S100A5: variants seen among roughly 807,000 people sequenced by gnomAD.
S100A5 encodes the protein S100 calcium binding protein A5.
S100A5 carries 5 observed loss-of-function variants against 6.7 expected under a neutral mutation model. The ratio of observed to expected loss-of-function variants is 0.75; its 90% CI spans 0.39 to 1.57. The LOEUF (loss-of-function observed/expected upper bound fraction) is 1.57, where lower values mean the gene tolerates loss of function less well. S100A5 is among the 40% of genes most tolerant of loss of function. The probability of loss-of-function intolerance (pLI) is 0.03; values close to 1 mark genes in which losing one functional copy is unlikely to be tolerated. For missense variants in S100A5, 129 were observed against 110.8 expected (o/e 1.16, Z -0.74); for synonymous variants, 49 against 44.9 (o/e 1.09, Z -0.37).
At chr1:153,539,862 C>A (rs1203763491) in intron 2 of S100A5, among the ~76,000 whole-genome samples, 192 bp downstream of exon 2, 3 of 152,140 alleles carry the variant, frequency 2.0e-5, no homozygotes, top group South Asian at 2.1e-4. Flanking sequence ...CTCAGTGAGA[C>A]CCTGACCCAT....
chr1:153,537,508 T>C, intron 2 of S100A5, 72 bp from the exon 3 acceptor site: 2 of 1,571,918 alleles, frequency 1.3e-6, no homozygotes, highest in Non-Finnish European at 1.7e-6. Context: ...CTGCATGGTG[T>C]CATCCCCACC....
At chr1:153,537,978 C>T (rs999639927) in intron 2 of S100A5, among the ~76,000 whole-genome samples, 15 of 151,550 alleles carry the variant, frequency 9.9e-5, no homozygotes, top group African/African-American at 3.6e-4. Context: ...ACTTGAGAAG[C>T]GGAGGTTGCA....
upstream of S100A5, among the ~76,000 whole-genome samples, chr1:153,540,968 C>T (rs1487461656): frequency 6.6e-6 from 1 of 152,170 alleles, no homozygotes; most frequent in African/African-American, 2.4e-5. Flanking sequence ...AAAACCACTT[C>T]CCCCTCAGGG....
At chr1:153,543,594 C>T, upstream of S100A5, 1 of 758,830 alleles carries the variant, frequency 1.3e-6, no homozygotes, top group Non-Finnish European at 2.2e-6. Context: ...AACCCACGCC[C>T]CCAGAGTCTC....
chr1:153,542,645 G>A (rs1178666099), upstream of S100A5, among the ~76,000 whole-genome samples: 4 of 152,106 alleles, frequency 2.6e-5, no homozygotes, highest in African/African-American at 9.7e-5. Context: ...TGACCTCCAT[G>A]CACCTCTTCC....
chr1:153,539,184 T>C (rs938992250), intron 2 of S100A5, among the ~76,000 whole-genome samples: 2 of 151,578 alleles, frequency 1.3e-5, no homozygotes, highest in African/African-American at 2.4e-5. Context: ...TCCCAACACT[T>C]TGGGAGTCCG....
At chr1:153,541,200 C>A (rs140600633), upstream of S100A5, among the ~76,000 whole-genome samples, 21 of 152,290 alleles carry the variant, frequency 1.4e-4, no homozygotes, top group South Asian at 2.1e-3. Flanking sequence ...CTAGTCCAGA[C>A]CCCCACCTCC....
chr1:153,540,011 G>A (rs1170292810), intron 2 of S100A5, 43 bp downstream of exon 2: 2 of 1,608,732 alleles, frequency 1.2e-6, no homozygotes, highest in Admixed American at 1.7e-5. Flanking sequence ...CCCAGAGGGA[G>A]TACTCAGACT....
intron 1 of S100A5, 121 bp from the exon 2 acceptor site, chr1:153,540,326 A>G: frequency 2.0e-6 from 2 of 981,200 alleles, no homozygotes; most frequent in Non-Finnish European, 3.0e-6. Flanking sequence ...ACTGAAATCC[A>G]CTAACAAGAG....
upstream of S100A5, chr1:153,543,178 C>G: frequency 2.0e-6 from 2 of 976,744 alleles, no homozygotes; most frequent in Non-Finnish European, 2.4e-6. Context: ...TCCTCCCCAT[C>G]CCACTCTCGC....
At chr1:153,542,897 C>T (rs1368352516), upstream of S100A5, among the ~76,000 whole-genome samples, 1 of 152,188 alleles carries the variant, frequency 6.6e-6, no homozygotes, top group African/African-American at 2.4e-5. Context: ...CCCCACTCAT[C>T]TCTTCTGAGG....
chr1:153,543,409 G>T, upstream of S100A5: 1 of 462,106 alleles, frequency 2.2e-6, no homozygotes, highest in Non-Finnish European at 2.8e-6. Flanking sequence ...GCAGGGGGGT[G>T]GTGAGGGGTC....
rs756586740 is a variant in S100A5, at chr1:153,540,044, A to T, written c.138+10T>A. On this transcript the variant is annotated intron_variant, in intron 2 of 2. Transcript: ENST00000368717. ...ACTTTGGGGTGGAGGATGAGGGAAC[A>T]ATCACCTACCTCCCCAAGACACAGC... 1 of 1,613,786 alleles carries T rather than the reference A, an allele frequency of 6.2e-7. No individual in the cohort carries two copies. The highest frequency in any genetic ancestry group is 8.5e-7 in the Non-Finnish European group (1 of 1,179,828).
chr1:153,537,150 C>T lies in S100A5; in HGVS notation c.*146G>A, dbSNP rs1173059387. The T allele has an allele frequency of 1.1e-6, 1 of 925,230 alleles. No individual in the cohort carries two copies. Among genetic ancestry groups the T allele is most frequent in the Non-Finnish European group, 1.6e-6 (1 of 616,482 alleles). 57.3% of individuals were successfully genotyped at this position (925,230 alleles called of 1,614,324 possible). On this transcript the variant is annotated 3_prime_UTR_variant, in exon 3 of 3. Transcript: ENST00000368717. ...CAAGACAGCTTCAAAACCAGACTCC[C>T]AGCACCTGCGATGGAAACTTTATTT...
intron 1 of S100A5, 70 bp from the exon 2 acceptor site, chr1:153,540,275 G>T: frequency 6.6e-7 from 1 of 1,518,548 alleles, no homozygotes; most frequent in Non-Finnish European, 9.0e-7. Context: ...TACCTCTGAG[G>T]CCCCTCCCTC....
chr1:153,539,845 C>T (rs1263499713), intron 2 of S100A5, among the ~76,000 whole-genome samples: 4 of 152,130 alleles, frequency 2.6e-5, no homozygotes, highest in Non-Finnish European at 5.9e-5. Flanking sequence ...CTCAGCCCTT[C>T]CTCCTTCTCA....
chr1:153,541,675 A>C, upstream of S100A5: 2 of 1,142,604 alleles, frequency 1.8e-6, no homozygotes, highest in Non-Finnish European at 2.2e-6. Flanking sequence ...TCTGACCAAA[A>C]ATCAGAACTC....
chr1:153,539,079 A>G (rs889067667), intron 2 of S100A5, among the ~76,000 whole-genome samples: 3 of 152,112 alleles, frequency 2.0e-5, no homozygotes, highest in Admixed American at 2.0e-4. Flanking sequence ...ACAGTGAGCC[A>G]TGATCGCACC....
At chr1:153,543,583 C>A (rs28587171), upstream of S100A5, 14 of 712,622 alleles carry the variant, frequency 2.0e-5, no homozygotes, top group African/African-American at 2.1e-4. Context: ...CCTCAGTCCC[C>A]AACCCACGCC....
Sources: allele counts gnomAD v4.1 joint callset (sites outside exome capture counted in the v4.1 genomes callset), GRCh38; gene constraint gnomAD v4.1.1; transcripts MANE v1.5; gene names NCBI Gene and HGNC (gene_info 2026-07-23, HGNC 2026-07-21).